VSNL1: variants seen among roughly 807,000 people sequenced by gnomAD.
VSNL1 encodes the protein visinin-like protein 1.
A neutral mutation model predicts 20.4 loss-of-function variants in VSNL1; 6 were observed. That is an observed-to-expected ratio of 0.29 (90% CI 0.16 to 0.58). The LOEUF is 0.58. Among genes scored for constraint, VSNL1 ranks in the 20% least tolerant of loss-of-function variants. The pLI is 0.90. For synonymous variants in VSNL1, 93 were observed against 86.4 expected (o/e 1.08, Z -0.42); for missense variants, 100 against 234.5 (o/e 0.43, Z 3.75).
In VSNL1 at chr2:17,655,492, C is replaced by CACAA. The variant is rs1666212335; in HGVS notation, c.*101_*102insAACA. The CACAA allele has an allele frequency of 9.3e-7, 1 of 1,077,484 alleles. No individual in the cohort carries two copies. The highest frequency in any genetic ancestry group is 1.3e-6 in the Non-Finnish European group (1 of 747,014). 66.7% of individuals were successfully genotyped at this position (1,077,484 alleles called of 1,614,324 possible). ...ACACACACACACACACACACACACA[C>CACAA]ACACACACAAATATTGCTTGGACTA... is the stretch of plus-strand genomic sequence containing the variant. On this transcript the variant is annotated 3_prime_UTR_variant, in exon 4 of 4. Transcript: ENST00000295156. This position sits in a 1 kb window ranked among gnomAD's most constrained non-coding sequence, Gnocchi z 5.2.
At chr2:17,571,612 G>A (rs961466325) in intron 1 of VSNL1, among the ~76,000 whole-genome samples, 1 of 152,176 alleles carries the variant, frequency 6.6e-6, no homozygotes, top group Admixed American at 6.5e-5. Flanking sequence ...CACCTACTCA[G>A]CACCAGGGAC....
chr2:17,606,482 C>A (rs1402497022), intron 2 of VSNL1, among the ~76,000 whole-genome samples: 1 of 152,192 alleles, frequency 6.6e-6, no homozygotes, highest in African/African-American at 2.4e-5. Context: ...GGCTGAGGGT[C>A]TGACAGTGCC....
intron 1 of VSNL1, among the ~76,000 whole-genome samples, chr2:17,582,492 TG>T (rs1664371403): frequency 6.6e-6 from 1 of 152,134 alleles, no homozygotes; most frequent in East Asian, 1.9e-4. Flanking sequence ...GATAGGATAA[TG>T]GCTTGAACCA....
chr2:17,577,141 C>T (rs1334433499), intron 1 of VSNL1, among the ~76,000 whole-genome samples: 1 of 152,108 alleles, frequency 6.6e-6, no homozygotes, highest in Non-Finnish European at 1.5e-5. Context: ...GGAAAATGTA[C>T]AGTAAAAATA....
chr2:17,630,238 G>A (rs969614864), intron 2 of VSNL1, among the ~76,000 whole-genome samples: 1 of 152,182 alleles, frequency 6.6e-6, no homozygotes, highest in African/African-American at 2.4e-5. Flanking sequence ...CACCTCATCT[G>A]CCTAGGCATT....
At chr2:17,636,369 A>G (rs573986157) in intron 2 of VSNL1, among the ~76,000 whole-genome samples, 10 of 152,260 alleles carry the variant, frequency 6.6e-5, no homozygotes, top group African/African-American at 2.2e-4. Flanking sequence ...CCAGGATAAC[A>G]CACAAACCCC....
intron 2 of VSNL1, among the ~76,000 whole-genome samples, chr2:17,640,208 G>A (rs892964212): frequency 1.3e-4 from 19 of 149,106 alleles, no homozygotes; most frequent in African/African-American, 2.0e-4. Flanking sequence ...AGCCAAGATC[G>A]TGCCATTGCA....
intron 1 of VSNL1, among the ~76,000 whole-genome samples, chr2:17,566,213 A>G (rs913244729): frequency 3.3e-5 from 5 of 152,132 alleles, no homozygotes; most frequent in Non-Finnish European, 7.4e-5. Context: ...ACAAAGTTAG[A>G]GTGTACATCT....
chr2:17,613,196 A>C (rs961382445), intron 2 of VSNL1, among the ~76,000 whole-genome samples: 3 of 152,200 alleles, frequency 2.0e-5, no homozygotes, highest in Non-Finnish European at 4.4e-5. Context: ...TTTCAGTGGA[A>C]CAAGAAGGTC....
chr2:17,559,607 C>T (rs1663766886), intron 1 of VSNL1, among the ~76,000 whole-genome samples: 3 of 152,106 alleles, frequency 2.0e-5, no homozygotes, highest in East Asian at 1.9e-4. Flanking sequence ...TAGGGGTAAA[C>T]TAGAATTTAT....
intron 1 of VSNL1, among the ~76,000 whole-genome samples, chr2:17,576,534 A>G (rs1664218708): frequency 6.6e-6 from 1 of 152,152 alleles, no homozygotes; most frequent in East Asian, 1.9e-4. Flanking sequence ...AAACTTGGCC[A>G]TTGATATTTA....
At chr2:17,595,692 A>G (rs1187348032) in intron 2 of VSNL1, among the ~76,000 whole-genome samples, 3 of 151,314 alleles carry the variant, frequency 2.0e-5, no homozygotes, top group Admixed American at 2.0e-4. Context: ...AAATGAGGTC[A>G]TGAGAGTGGG....
chr2:17,643,795 G>A (rs946957694), intron 2 of VSNL1, among the ~76,000 whole-genome samples: 1 of 152,180 alleles, frequency 6.6e-6, no homozygotes, highest in Non-Finnish European at 1.5e-5. Context: ...ACTGGGCCAA[G>A]GTCAGCAAAG....
At chr2:17,578,720 G>A (rs542425815) in intron 1 of VSNL1, among the ~76,000 whole-genome samples, 2 of 152,222 alleles carry the variant, frequency 1.3e-5, no homozygotes. Flanking sequence ...CCTAGCCTTG[G>A]CATTGTCTCT....
intron 1 of VSNL1, among the ~76,000 whole-genome samples, chr2:17,563,211 C>A (rs1572334141): frequency 6.6e-6 from 1 of 152,216 alleles, no homozygotes; most frequent in Non-Finnish European, 1.5e-5. Context: ...ACATGTGTTA[C>A]ATAATGCATT....
chr2:17,580,550 A>G (rs1664327852), intron 1 of VSNL1, among the ~76,000 whole-genome samples: 1 of 152,188 alleles, frequency 6.6e-6, no homozygotes, highest in Non-Finnish European at 1.5e-5. Flanking sequence ...AAACTCTGCC[A>G]GTGTTTTCCC....
chr2:17,576,748 T>C (rs1664225340), intron 1 of VSNL1, among the ~76,000 whole-genome samples: 1 of 152,222 alleles, frequency 6.6e-6, no homozygotes. Context: ...TTATCTTTTA[T>C]AGTTTCTGTC....
chr2:17,650,720 C>T (rs979284556), intron 3 of VSNL1, among the ~76,000 whole-genome samples: 6 of 152,320 alleles, frequency 3.9e-5, no homozygotes, highest in Admixed American at 1.3e-4. Context: ...CCAAGTTCCC[C>T]TCAGGACTCT....
At chr2:17,615,863 C>T (rs1665205208) in intron 2 of VSNL1, among the ~76,000 whole-genome samples, 1 of 152,198 alleles carries the variant, frequency 6.6e-6, no homozygotes, top group Admixed American at 6.5e-5. Flanking sequence ...AGAAGACTGA[C>T]TCATCTGTCT....
Sources: gnomAD v4.1 joint callset for allele counts (sites outside exome capture counted in the v4.1 genomes callset) on GRCh38, gnomAD v4.1.1 for gene constraint, Gnocchi (gnomAD v3.1) non-coding constraint, MANE v1.5 for transcripts, NCBI Gene and HGNC (gene_info 2026-07-23, HGNC 2026-07-21) for gene names.